SERINC5: variants seen among roughly 807,000 people sequenced by gnomAD.
SERINC5 encodes the protein serine incorporator 5, also known as chromosome 5 open reading frame 12.
SERINC5 carries 41 observed loss-of-function variants against 63.1 expected under a neutral mutation model. The observed-to-expected ratio is 0.65, with a 90% CI of 0.51 to 0.84. The LOEUF is 0.84. Among genes scored for constraint, SERINC5 ranks in the 40% least tolerant of loss-of-function variants. SERINC5 has a pLI of 0.00. For synonymous variants in SERINC5, 222 were observed against 215.2 expected (o/e 1.03, Z -0.28); for missense variants, 523 against 573.0 (o/e 0.91, Z 0.89).
intron 9 of SERINC5, among the ~76,000 whole-genome samples, 151 bp from the exon 10 acceptor site, chr5:80,147,435 A>G (rs1467980510): frequency 6.6e-6 from 1 of 152,196 alleles, no homozygotes; most frequent in Middle Eastern, 3.2e-3. Context: ...TGGTGACAGG[A>G]AACCCCATGG....
chr5:80,207,061 C>T (rs560916642), intron 1 of SERINC5, among the ~76,000 whole-genome samples: 149 of 152,138 alleles, frequency 9.8e-4, no homozygotes, highest in African/African-American at 3.3e-3. Flanking sequence ...TGCAGTGGCA[C>T]GATCTTGGCT....
chr5:80,136,075 G>A (rs1745157435), downstream of SERINC5, among the ~76,000 whole-genome samples: 1 of 151,996 alleles, frequency 6.6e-6, no homozygotes, highest in Non-Finnish European at 1.5e-5. Context: ...CCTAAAAATG[G>A]TTAAGTGCCC....
At chr5:80,155,112 A>G (rs905945279) in intron 8 of SERINC5, among the ~76,000 whole-genome samples, 1 of 152,242 alleles carries the variant, frequency 6.6e-6, no homozygotes, top group African/African-American at 2.4e-5. Flanking sequence ...CAACTCTGGG[A>G]TCCTGTCCAG....
At chr5:80,150,998 C>T (rs771203095) in intron 8 of SERINC5, 50 bp from the exon 9 acceptor site, 10 of 1,387,714 alleles carry the variant, frequency 7.2e-6, no homozygotes, top group Non-Finnish European at 1.0e-5. Context: ...CATTACAACA[C>T]ATGGAATGAA....
intron 1 of SERINC5, 149 bp downstream of exon 1, chr5:80,255,747 T>A (rs989843317): frequency 4.8e-6 from 3 of 631,528 alleles, no homozygotes; most frequent in African/African-American, 2.0e-5. Context: ...CCCGGACGGC[T>A]GAGCGCCGCG....
At chr5:80,158,023 A>G (rs986859349) in intron 8 of SERINC5, 1 of 152,212 alleles carries the variant, frequency 6.6e-6, no homozygotes, top group South Asian at 2.1e-4. Flanking sequence ...GGAAGTTTAC[A>G]ATGTGCCTAT....
At position 80,138,849 on chromosome 5, in the gene SERINC5, C is replaced by T. The variant is rs1204241643; in HGVS notation, c.*4814G>A. 4 of 981,902 alleles carry T rather than the reference C, an allele frequency of 4.1e-6. No individual in the cohort carries two copies. In the South Asian group the frequency reaches 1.4e-4, roughly 35 times the overall value. The allele number at this position is 981,902 out of a possible 1,614,324, so 60.8% of individuals were successfully genotyped here. A position where few individuals can be genotyped will look rare whatever the true frequency, so the allele number is the denominator to read the frequency against. Reference sequence around the variant, plus strand: ...CTCTGCAAAACAACTAACTTGAGTACTTTAATTATATATGTATCTAGCAGA... The same window carrying T: ...CTCTGCAAAACAACTAACTTGAGTATTTTAATTATATATGTATCTAGCAGA... On this transcript the variant is annotated 3_prime_UTR_variant, in exon 12 of 12. Transcript: ENST00000507668.
Position 80,116,627 on chromosome 5 carries a change from A to G in SERINC5, c.1239-3002T>C, listed in dbSNP as rs147280886. On this transcript the variant is annotated intron_variant, in intron 11 of 12. Transcript: ENST00000509193. ...GCATACCTACCAAGAGGATGACATA[A>G]ATGCCTCCTGTGGCCCTGAGATAGG... Among the ~76,000 whole-genome samples, 619 of 152,120 alleles carry G rather than the reference A, an allele frequency of 4.1e-3. 15 individuals are homozygous for G. Among genetic ancestry groups the G allele is most frequent in the African/African-American group, 0.014 (584 of 41,392 alleles).
intron 2 of SERINC5, chr5:80,198,413 C>G (rs1419069060): frequency 3.8e-6 from 2 of 520,824 alleles, no homozygotes; most frequent in Non-Finnish European, 4.9e-6. Context: ...CTTACTCAAA[C>G]TTAAACACAG....
chr5:80,241,020 T>G (rs926522442), intron 1 of SERINC5, among the ~76,000 whole-genome samples: 1 of 152,200 alleles, frequency 6.6e-6, no homozygotes, highest in Non-Finnish European at 1.5e-5. Context: ...TTAGTTTTCA[T>G]ATCATGTTAC....
intron 1 of SERINC5, among the ~76,000 whole-genome samples, chr5:80,216,752 T>C (rs186563669): frequency 6.6e-6 from 1 of 152,286 alleles, no homozygotes; most frequent in Admixed American, 6.5e-5. Context: ...GGCTCCTGCC[T>C]GTAATCCCAG....
chr5:80,173,301 T>A (rs1010646624), intron 5 of SERINC5, among the ~76,000 whole-genome samples: 17 of 149,970 alleles, frequency 1.1e-4, no homozygotes, highest in South Asian at 8.5e-4. Flanking sequence ...TGAAATGAAA[T>A]GAAAAGAAAA....
In SERINC5 at chr5:80,177,529, A is replaced by T; in HGVS notation, c.375-132T>A. 6 of 725,514 alleles carry T rather than the reference A, an allele frequency of 8.3e-6. 1 individual carries two copies. The South Asian group carries it at 1.1e-4, about 13-fold the overall frequency. 44.9% of individuals were successfully genotyped at this position (725,514 alleles called of 1,614,324 possible). On this transcript the variant is annotated intron_variant, in intron 3 of 11. Transcript: ENST00000507668. ...CCAATGTTCTCTCCTAATCAAGGGGAAGTAACTAGGTGACTTGAAGAATGC... is the reference window on the plus strand; with the variant it reads ...CCAATGTTCTCTCCTAATCAAGGGGTAGTAACTAGGTGACTTGAAGAATGC...
rs185405723 is a variant in SERINC5, at chr5:80,183,107, G to A, written c.196-5043C>T. Among the ~76,000 whole-genome samples the A allele has an allele frequency of 5.0e-3, 768 of 152,274 alleles. 3 individuals carry two copies. The highest frequency in any genetic ancestry group is 9.0e-3 in the Admixed American group (137 of 15,282). Reference sequence around the variant, plus strand: ...ACGTGGTGAAAGGGTACAGACTTGAGGCAAGGGGACAAGTTTGAAGGCCAC... The same window carrying A: ...ACGTGGTGAAAGGGTACAGACTTGAAGCAAGGGGACAAGTTTGAAGGCCAC... On this transcript the variant is annotated intron_variant, in intron 2 of 11. Coordinates refer to ENST00000507668, the MANE Select transcript of SERINC5 (RefSeq NM_001174072.3).
chr5:80,156,487 G>C (rs760980118), intron 8 of SERINC5, among the ~76,000 whole-genome samples: 7 of 152,124 alleles, frequency 4.6e-5, no homozygotes, highest in Non-Finnish European at 1.0e-4. Context: ...CTAACTCCTA[G>C]GGGGCCCAGC....
chr5:80,166,095 G>C (rs1317383321), intron 7 of SERINC5, among the ~76,000 whole-genome samples: 3 of 152,082 alleles, frequency 2.0e-5, no homozygotes, highest in Non-Finnish European at 2.9e-5. Context: ...CTGATCTTTT[G>C]TGTTATACAA....
intron 1 of SERINC5, among the ~76,000 whole-genome samples, chr5:80,227,869 G>T (rs1751239922): frequency 6.6e-6 from 1 of 151,696 alleles, no homozygotes; most frequent in Non-Finnish European, 1.5e-5. Flanking sequence ...AAAAACCTGT[G>T]TTTACACAAG....
At position 80,162,911 on chromosome 5, in the gene SERINC5, AT is replaced by A. The variant is rs1377456727; in HGVS notation, c.859+3471del. ...TGGGGTGCAGGGGTGCTGTAGTGCG[AT>A]CTTGGCTAGTGAGCCAAGATCCCTC... On this transcript the variant is annotated intron_variant, in intron 7 of 11. Transcript: ENST00000507668. Among the ~76,000 whole-genome samples the A allele has an allele frequency of 3.6e-4, 54 of 151,218 alleles. 1 individual carries two copies. The highest frequency in any genetic ancestry group is 1.3e-3 in the African/African-American group (52 of 41,150).
intron 6 of SERINC5, among the ~76,000 whole-genome samples, chr5:80,167,849 C>A (rs537638240): frequency 1.3e-5 from 2 of 152,172 alleles, no homozygotes; most frequent in East Asian, 1.9e-4. Context: ...CACTTGCCGA[C>A]ATAAAAGGAT....
Sources: gnomAD v4.1 joint callset for allele counts (sites outside exome capture counted in the v4.1 genomes callset) on GRCh38, gnomAD v4.1.1 for gene constraint, MANE v1.5 for transcripts, NCBI Gene and HGNC (gene_info 2026-07-23, HGNC 2026-07-21) for gene names.